The following HDAC9 variants were observed in gnomAD, a reference collection of about 807,000 sequenced individuals.
HDAC9 encodes the protein MEF-2 interacting transcription repressor (MITR) protein.
HDAC9 carries 41 observed loss-of-function variants against 139.4 expected under a neutral mutation model. The ratio of observed to expected loss-of-function variants is 0.29; its 90% CI spans 0.23 to 0.38. HDAC9 has a LOEUF of 0.38. Ranked by LOEUF, HDAC9 falls within the 10% of genes least tolerant of loss-of-function variation. The pLI is 1.00. For missense variants in HDAC9, 1,147 were observed against 1,297.0 expected (o/e 0.88, Z 1.78); for synonymous variants, 517 against 476.2 (o/e 1.09, Z -1.12).
intron 13 of HDAC9, among the ~76,000 whole-genome samples, chr7:18,737,698 A>G (rs941120094): frequency 1.3e-5 from 2 of 152,194 alleles, no homozygotes; most frequent in South Asian, 2.1e-4. Context: ...CAATTTTAGA[A>G]TAAGTGCGAT....
intron 1 of HDAC9, among the ~76,000 whole-genome samples, chr7:18,436,600 C>T (rs1166656646): frequency 1.2e-4 from 19 of 152,122 alleles, no homozygotes; most frequent in Admixed American, 1.2e-3. Context: ...CGTCTTTGCA[C>T]GGGAAAGTGT....
chr7:18,340,807 C>T (rs1161974317), intron 1 of HDAC9, among the ~76,000 whole-genome samples: 5 of 151,442 alleles, frequency 3.3e-5, no homozygotes, highest in African/African-American at 9.7e-5. Context: ...GTTACCTTCT[C>T]CTGTGCCTTT....
chr7:18,194,758 T>C (rs1183484648), intron 2 of HDAC9, among the ~76,000 whole-genome samples: 1 of 152,176 alleles, frequency 6.6e-6, no homozygotes, highest in African/African-American at 2.4e-5. Context: ...CAAATTCTGT[T>C]TTGTTTAGTC....
chr7:18,275,148 C>T lies in HDAC9; in HGVS notation c.25+112799C>T, dbSNP rs771509015. On this transcript the variant is annotated intron_variant, in intron 2 of 12. Transcript: ENST00000417496. ...TTCCCATATCAATTAATGACACTTA[C>T]TTCTAATTGCTCAGGCCAGAAATTT... 1.3e-4 allele frequency among the ~76,000 whole-genome samples: 20 copies of T among 152,260 alleles called. No homozygotes were observed. In the South Asian group the frequency reaches 2.3e-3, roughly 17 times the overall value.
intron 17 of HDAC9, among the ~76,000 whole-genome samples, chr7:18,796,813 A>G (rs1411949584): frequency 6.6e-6 from 1 of 152,228 alleles, no homozygotes; most frequent in Non-Finnish European, 1.5e-5. Context: ...AATCATAAAT[A>G]AAAAAGGATT....
chr7:18,631,249 G>A (rs556127917), intron 7 of HDAC9, among the ~76,000 whole-genome samples: 2 of 152,098 alleles, frequency 1.3e-5, no homozygotes, highest in South Asian at 2.1e-4. Context: ...ATAAGCACTC[G>A]CCCTTTCACC....
chr7:18,486,020 A>G (rs1034760676), intron 1 of HDAC9, among the ~76,000 whole-genome samples: 7 of 152,166 alleles, frequency 4.6e-5, no homozygotes, highest in Non-Finnish European at 8.8e-5. Context: ...GAGCATGGTA[A>G]GGGCATCTTG....
At chr7:18,598,581 A>G (rs923118522) in intron 6 of HDAC9, among the ~76,000 whole-genome samples, 15 of 152,214 alleles carry the variant, frequency 9.9e-5, no homozygotes, top group African/African-American at 3.6e-4. Context: ...TTAGAATTCA[A>G]TTAAATAATG....
intron 16 of HDAC9, among the ~76,000 whole-genome samples, chr7:18,775,166 A>G (rs780359491): frequency 6.6e-6 from 1 of 152,068 alleles, no homozygotes. Flanking sequence ...GCCCCAAAAC[A>G]ATTATAATAG....
chr7:18,403,366 AG>A (rs968430147), intron 1 of HDAC9, among the ~76,000 whole-genome samples: 14 of 152,254 alleles, frequency 9.2e-5, no homozygotes, highest in African/African-American at 3.4e-4. Flanking sequence ...TATTGGGGGA[AG>A]GCAGAACAGG....
intron 1 of HDAC9, among the ~76,000 whole-genome samples, chr7:18,427,192 C>A (rs1295550079): frequency 5.3e-5 from 8 of 152,190 alleles, no homozygotes; most frequent in African/African-American, 1.9e-4. Context: ...AAATTGAAAG[C>A]TCTGTTCTCT....
chr7:18,225,965 ACT>A (rs1438379402), intron 2 of HDAC9, among the ~76,000 whole-genome samples: 2 of 152,226 alleles, frequency 1.3e-5, no homozygotes, highest in Non-Finnish European at 2.9e-5. Context: ...GGTACCAGAA[ACT>A]CTTAAAATAT....
chr7:18,669,902 C>T (rs1298963856), intron 12 of HDAC9, among the ~76,000 whole-genome samples: 2 of 151,692 alleles, frequency 1.3e-5, no homozygotes, highest in Non-Finnish European at 2.9e-5. Context: ...TAGACTGCTA[C>T]TTTTCATAGA....
chr7:18,824,146 G>T (rs894462169), intron 17 of HDAC9, among the ~76,000 whole-genome samples: 3 of 152,102 alleles, frequency 2.0e-5, no homozygotes, highest in Admixed American at 2.0e-4. Flanking sequence ...CTTTGTGAGT[G>T]CTCAGATGAA....
At chr7:18,741,976 A>G (rs967602429) in intron 13 of HDAC9, among the ~76,000 whole-genome samples, 2 of 152,226 alleles carry the variant, frequency 1.3e-5, no homozygotes, top group South Asian at 4.1e-4. Context: ...TGAATTAATA[A>G]GGAGTTATTT....
chr7:18,163,910 G>A (rs891841568), intron 2 of HDAC9, among the ~76,000 whole-genome samples: 44 of 152,270 alleles, frequency 2.9e-4, no homozygotes, highest in African/African-American at 1.1e-3. Flanking sequence ...CCCCAAGAAT[G>A]TTGATTTTAT....
chr7:18,333,195 G>T (rs181945239), intron 1 of HDAC9, among the ~76,000 whole-genome samples: 5 of 151,526 alleles, frequency 3.3e-5, no homozygotes, highest in Admixed American at 3.3e-4. Context: ...TTTAAACAGA[G>T]CTCAACTAGA....
intron 22 of HDAC9, among the ~76,000 whole-genome samples, chr7:18,895,406 G>A (rs1468432446): frequency 6.6e-6 from 1 of 152,056 alleles, no homozygotes; most frequent in Non-Finnish European, 1.5e-5. Flanking sequence ...ATACTGCAGT[G>A]TGGCAGTAAA....
chr7:18,720,933 G>A (rs1306860826), intron 12 of HDAC9, among the ~76,000 whole-genome samples: 1 of 151,986 alleles, frequency 6.6e-6, no homozygotes, highest in South Asian at 2.1e-4. Flanking sequence ...CTCTGCCTTG[G>A]CCTCCCAAAG....
Sources: gnomAD v4.1 joint callset for allele counts (sites outside exome capture counted in the v4.1 genomes callset) on GRCh38, gnomAD v4.1.1 for gene constraint, MANE v1.5 for transcripts, NCBI Gene and HGNC (gene_info 2026-07-23, HGNC 2026-07-21) for gene names.